STAT4: variants seen among roughly 807,000 people sequenced by gnomAD.
STAT4 encodes the protein signal transducer and activator of transcription 4.
In STAT4, 42 loss-of-function variants were observed where a neutral mutation model predicts 110.5. That is an observed-to-expected ratio of 0.38 (90% CI 0.30 to 0.49). STAT4 has a LOEUF of 0.49. STAT4 is among the 20% of genes least tolerant of loss of function. The probability of loss-of-function intolerance (pLI) is 0.95; values close to 1 mark genes in which losing one functional copy is unlikely to be tolerated. For synonymous variants in STAT4, 284 were observed against 302.2 expected, an observed-to-expected ratio of 0.94 and a Z score of 0.63; for missense variants, 632 against 887.9, an observed-to-expected ratio of 0.71 and a Z score of 3.66.
chr2:191,135,169 T>C lies in STAT4; in HGVS notation c.273+11444A>G, dbSNP rs190995502. 1.8e-3 allele frequency among the ~76,000 whole-genome samples: 273 copies of C among 151,536 alleles called. No homozygotes were observed. The highest frequency in any genetic ancestry group is 6.4e-3 in the African/African-American group (265 of 41,250). The stretch of plus-strand genomic sequence containing the variant: ...AATAAACAACTTGCTAGACTAACCA[T>C]AAAAAAGAGAGATGACCCAAATAAA... On this transcript the variant is annotated intron_variant, in intron 3 of 23. Transcript: ENST00000392320. The surrounding 1 kb of genome is among the most constrained non-coding windows in gnomAD (Gnocchi z 4.8).
intron 3 of STAT4, among the ~76,000 whole-genome samples, chr2:191,080,315 T>C (rs902062627): frequency 6.6e-5 from 10 of 152,176 alleles, no homozygotes; most frequent in African/African-American, 2.4e-4. Flanking sequence ...GGGAAGTATA[T>C]GTGTAATAAA....
At position 191,144,188 on chromosome 2, in the gene STAT4, A is replaced by G. The variant is rs767313623; in HGVS notation, c.273+2425T>C. Among the ~76,000 whole-genome samples the G allele has an allele frequency of 2.6e-5, 4 of 152,144 alleles. No individual in the cohort carries two copies. Among genetic ancestry groups the G allele is most frequent in the African/African-American group, 4.8e-5 (2 of 41,432 alleles). Reference sequence around the variant, plus strand: ...GCCTTTTACCCTCAAGGACCTTGTGACCTGGTTTGACACACATGCAACACA... The same window carrying G: ...GCCTTTTACCCTCAAGGACCTTGTGGCCTGGTTTGACACACATGCAACACA... On this transcript the variant is annotated intron_variant, in intron 3 of 23. Coordinates refer to ENST00000392320, the MANE Select transcript of STAT4 (RefSeq NM_003151.4). The surrounding 1 kb of genome is among the most constrained non-coding windows in gnomAD (Gnocchi z 4.7).
chr2:191,033,569 C>T lies in STAT4; in HGVS notation c.1773G>A (p.Met591Ile), dbSNP rs761281261. Residue 591 changes from methionine (M) to isoleucine (I), a missense_variant, in exon 20 of 24, where the codon ATG becomes ATA. Met to Ile is a conservative substitution (Grantham distance 10). Coordinates refer to ENST00000392320, the MANE Select transcript of STAT4 (RefSeq NM_003151.4). This position sits in a 1 kb window ranked among gnomAD's most constrained non-coding sequence, Gnocchi z 6.9. ...TGAATCTTAATAAAAAGGTGCCAGG[C>T]ATTTTATCCTTTAGCAACAGCCGTT... Reference protein sequence around the residue: ...EKERLLLKDKMPGTFLLRFSE... With the variant: ...EKERLLLKDKIPGTFLLRFSE... 1 of 1,614,040 alleles carries T rather than the reference C, an allele frequency of 6.2e-7. No homozygotes were observed. Among genetic ancestry groups the T allele is most frequent in the Non-Finnish European group, 8.5e-7 (1 of 1,179,982 alleles).
rs1696792544 is a variant in STAT4, at chr2:191,059,517, T to C, written c.1035-748A>G. Among the ~76,000 whole-genome samples, 1 of 152,182 alleles carries C rather than the reference T, an allele frequency of 6.6e-6. No individual in the cohort carries two copies. The highest frequency in any genetic ancestry group is 1.5e-5 in the Non-Finnish European group (1 of 68,034). ...TTACTCATGCCCTCATCCTAAACTT[T>C]GCTCATTCACTCAGCATGCACTGAG... On this transcript the variant is annotated intron_variant, in intron 10 of 23. Coordinates refer to ENST00000392320, the MANE Select transcript of STAT4 (RefSeq NM_003151.4). This position sits in a 1 kb window ranked among gnomAD's most constrained non-coding sequence, Gnocchi z 4.7.
chr2:191,139,735 T>A (rs1230922616), intron 3 of STAT4, among the ~76,000 whole-genome samples: 1 of 152,158 alleles, frequency 6.6e-6, no homozygotes, highest in African/African-American at 2.4e-5. Flanking sequence ...TCATTCTTCA[T>A]AGATTTAGAA....
intron 3 of STAT4, among the ~76,000 whole-genome samples, chr2:191,081,096 G>C (rs763909722): frequency 3.3e-5 from 5 of 152,208 alleles, no homozygotes; most frequent in Admixed American, 1.3e-4. Context: ...GCTGTGTTTG[G>C]TTTTCTGTTC....
In STAT4 at chr2:191,113,805, G is replaced by T. The variant is rs955068302; in HGVS notation, c.273+32808C>A. Among the ~76,000 whole-genome samples the T allele has an allele frequency of 6.6e-6, 1 of 152,154 alleles. No homozygotes were observed. Among genetic ancestry groups the T allele is most frequent in the Non-Finnish European group, 1.5e-5 (1 of 68,020 alleles). On this transcript the variant is annotated intron_variant, in intron 3 of 23. Transcript: ENST00000392320. The surrounding 1 kb of genome is among the most constrained non-coding windows in gnomAD (Gnocchi z 4.8). ...TTTAAAAGTACACTTTTTGTACAGG[G>T]AGTACTCCCAAGAGTAGCAGAGAAC... is the stretch of plus-strand genomic sequence containing the variant.
At chr2:191,072,695 A>G (rs1697200924) in intron 5 of STAT4, among the ~76,000 whole-genome samples, 1 of 152,216 alleles carries the variant, frequency 6.6e-6, no homozygotes, top group Non-Finnish European at 1.5e-5. Context: ...TAGACTGATT[A>G]TGGAAAAAAG....
In STAT4 at chr2:191,143,325, T is replaced by C. The variant is rs189826151; in HGVS notation, c.273+3288A>G. On this transcript the variant is annotated intron_variant, in intron 3 of 23. Coordinates refer to ENST00000392320, the MANE Select transcript of STAT4 (RefSeq NM_003151.4). This position sits in a 1 kb window ranked among gnomAD's most constrained non-coding sequence, Gnocchi z 5.6. The stretch of plus-strand genomic sequence containing the variant: ...TTCTGTGAGGAAAGTACCAGTGTGA[T>C]TGCCCCTTACACTGCTGAGGAAACT... Among the ~76,000 whole-genome samples the C allele has an allele frequency of 1.7e-3, 253 of 152,334 alleles. No homozygotes were observed. Among genetic ancestry groups the C allele is most frequent in the African/African-American group, 5.7e-3 (237 of 41,578 alleles).
chr2:191,044,005 T>C (rs1696278911), intron 14 of STAT4, among the ~76,000 whole-genome samples: 5 of 86,032 alleles, frequency 5.8e-5, no homozygotes. Context: ...GGTGGGTGGG[T>C]ACAGAGAGGA....
Position 191,030,492 on chromosome 2 carries a change from G to T in STAT4, c.2220+480C>A, listed in dbSNP as rs1695859337. On this transcript the variant is annotated intron_variant, in intron 23 of 23. Transcript: ENST00000392320. The surrounding 1 kb of genome is among the most constrained non-coding windows in gnomAD (Gnocchi z 4.4). The stretch of plus-strand genomic sequence containing the variant: ...TTCATATATTATTGATGAGGCTCCG[G>T]GTTCTAGAAATGCAAGTCACAATCA... Among the ~76,000 whole-genome samples the T allele has an allele frequency of 6.6e-6, 1 of 152,066 alleles. No homozygotes were observed. Among genetic ancestry groups the T allele is most frequent in the Non-Finnish European group, 1.5e-5 (1 of 68,014 alleles).
rs1011577213 is a variant in STAT4, at chr2:191,066,091, C to A, written c.630+339G>T. ...AAATACTATATTAATTATATATGTG[C>A]AGTGGAACCCATCTCAGCATATTAA... is the stretch of plus-strand genomic sequence containing the variant. On this transcript the variant is annotated intron_variant, in intron 7 of 23. Transcript: ENST00000392320. The surrounding 1 kb of genome is among the most constrained non-coding windows in gnomAD (Gnocchi z 4.3). Among the ~76,000 whole-genome samples, 12 of 152,078 alleles carry A rather than the reference C, an allele frequency of 7.9e-5. No individual in the cohort carries two copies. Among genetic ancestry groups the A allele is most frequent in the Non-Finnish European group, 1.8e-4 (12 of 68,014 alleles).
At chr2:191,151,500 C>T (rs116071025), upstream of STAT4, 1 of 985,540 alleles carries the variant, frequency 1.0e-6, no homozygotes, top group Non-Finnish European at 1.2e-6. This position sits in a 1 kb window ranked among gnomAD's most constrained non-coding sequence, Gnocchi z 4.7. Context: ...ACGAGGGTGA[C>T]CTGACCCAGA....
At chr2:191,071,910 G>A (rs1011175918) in intron 5 of STAT4, among the ~76,000 whole-genome samples, 1 of 152,124 alleles carries the variant, frequency 6.6e-6, no homozygotes, top group Admixed American at 6.6e-5. Flanking sequence ...GTCTAACTTT[G>A]GTTTGAGAAA....
At chr2:191,073,558 C>T (rs953605565) in intron 4 of STAT4, among the ~76,000 whole-genome samples, 5 of 152,068 alleles carry the variant, frequency 3.3e-5, no homozygotes, top group South Asian at 2.1e-4. Context: ...GGTGTGGCAG[C>T]GTGTGCCTGT....
rs1699236846 is a variant in STAT4 at position 191,138,412 on chromosome 2, C to T, written c.273+8201G>A. On this transcript the variant is annotated intron_variant, in intron 3 of 23. Transcript: ENST00000392320. The surrounding 1 kb of genome is among the most constrained non-coding windows in gnomAD (Gnocchi z 4.3). ...ATCCAAATAAGATTTCATTTCGCAT[C>T]GAGAAATGAAACTACAGCCAATACC... Among the ~76,000 whole-genome samples, 2 of 151,860 alleles carry T rather than the reference C, an allele frequency of 1.3e-5. No homozygotes were observed. The highest frequency in any genetic ancestry group is 4.8e-5 in the African/African-American group (2 of 41,378).
In STAT4 at chr2:191,058,270, A is replaced by C. The variant is rs538186987; in HGVS notation, c.1095-51T>G. 1 of 1,475,436 alleles carries C rather than the reference A, an allele frequency of 6.8e-7. No homozygotes were observed. The highest frequency in any genetic ancestry group is 9.4e-7 in the Non-Finnish European group (1 of 1,068,392). 91.4% of individuals were successfully genotyped at this position (1,475,436 alleles called of 1,614,324 possible). ...AACAAGCTATTTAATAGATCTAGGA[A>C]TAACTTTCTATGATAGTTTATTTTA... On this transcript the variant is annotated intron_variant, in intron 11 of 23. Coordinates refer to ENST00000392320, the MANE Select transcript of STAT4 (RefSeq NM_003151.4). The surrounding 1 kb of genome is among the most constrained non-coding windows in gnomAD (Gnocchi z 4.3).
chr2:191,074,296 G>A (rs924655805), intron 4 of STAT4, among the ~76,000 whole-genome samples: 5 of 152,152 alleles, frequency 3.3e-5, no homozygotes, highest in African/African-American at 1.2e-4. Flanking sequence ...ACTAAAATCC[G>A]CAGCAAATTC....
intron 3 of STAT4, among the ~76,000 whole-genome samples, chr2:191,139,833 A>G (rs1699274078): frequency 6.6e-6 from 1 of 152,252 alleles, no homozygotes; most frequent in African/African-American, 2.4e-5. Flanking sequence ...TGGAGACATC[A>G]TATTACCCAA....
Sources: allele counts gnomAD v4.1 joint callset (sites outside exome capture counted in the v4.1 genomes callset), GRCh38; gene constraint gnomAD v4.1.1; non-coding constraint Gnocchi (gnomAD v3.1); transcripts MANE v1.5; gene names NCBI Gene and HGNC (gene_info 2026-07-23, HGNC 2026-07-21).